Variants in TGDS observed in about 807,000 individuals in gnomAD.
The protein encoded by TGDS is UDP-D-glucose 4,6-dehydratase.
A neutral mutation model predicts 52.3 loss-of-function variants in TGDS; 47 were observed. The ratio of observed to expected loss-of-function variants is 0.90; its 90% CI spans 0.71 to 1.15. TGDS has a LOEUF of 1.15. TGDS is among the 50% of genes most tolerant of loss of function. The pLI is 0.00. For synonymous variants in TGDS, 115 were observed against 136.9 expected (o/e 0.84, Z 1.12); for missense variants, 375 against 418.4 (o/e 0.90, Z 0.90).
chr13:94,592,110 C>A (rs1889221455), intron 3 of TGDS, 131 bp downstream of exon 3: 1 of 590,370 alleles, frequency 1.7e-6, no homozygotes, highest in Non-Finnish European at 2.8e-6. Flanking sequence ...AAATTAACTA[C>A]CTGATCTTTT....
intron 1 of TGDS, among the ~76,000 whole-genome samples, chr13:94,595,805 C>A (rs1889353806): frequency 6.6e-6 from 1 of 151,976 alleles, no homozygotes; most frequent in African/African-American, 2.4e-5. Flanking sequence ...TGAGCACCTC[C>A]GGCCACAGAA....
intron 4 of TGDS, among the ~76,000 whole-genome samples, chr13:94,588,036 AC>A (rs1039149442): frequency 2.0e-5 from 3 of 150,244 alleles, no homozygotes; most frequent in Non-Finnish European, 4.4e-5. Context: ...AAAGAGCACT[AC>A]CCCTAAAGAA....
rs1186737338 is a variant in TGDS, at chr13:94,583,076, T to C, written c.456+18A>G. ...GGTACATGGTTAAGTAGGTAAAATA[T>C]ACATTTTCTAAGCTCACCTTATCAA... On this transcript the variant is annotated intron_variant, in intron 5 of 11. Coordinates refer to ENST00000261296, the MANE Select transcript of TGDS (RefSeq NM_014305.4). 6.8e-6 allele frequency: 11 copies of C among 1,609,552 alleles called. No homozygotes were observed. The highest frequency in any genetic ancestry group is 2.2e-5 in the South Asian group (2 of 90,058).
In TGDS at chr13:94,578,727, T is replaced by C. The variant is rs756742045; in HGVS notation, c.659+3A>G. Reference sequence around the variant, plus strand: ...TATGGGTAAAAAGGTAATAATAACATACCATTTCCTGTTGTGCTGTAGCAA... The same window carrying C: ...TATGGGTAAAAAGGTAATAATAACACACCATTTCCTGTTGTGCTGTAGCAA... On this transcript the variant is annotated splice_donor_region_variant and intron_variant, in intron 8 of 11. Transcript: ENST00000261296. 3 of 1,528,356 alleles carry C rather than the reference T, an allele frequency of 2.0e-6. No individual in the cohort carries two copies. Among genetic ancestry groups the C allele is most frequent in the East Asian group, 2.3e-5 (1 of 44,062 alleles). The allele number at this position is 1,528,356 out of a possible 1,614,324, so 94.7% of individuals were successfully genotyped here.
At chr13:94,588,628 G>T (rs527796696) in intron 4 of TGDS, among the ~76,000 whole-genome samples, 43 of 152,084 alleles carry the variant, frequency 2.8e-4, no homozygotes, top group African/African-American at 1.0e-3. Context: ...AGGGAGAATA[G>T]TCCAATAAAC....
chr13:94,594,810 C>T (rs1889322024), intron 1 of TGDS, among the ~76,000 whole-genome samples: 1 of 152,192 alleles, frequency 6.6e-6, no homozygotes, highest in South Asian at 2.1e-4. Context: ...TGGCCATAAA[C>T]AGGAATCCTC....
At chr13:94,590,791 T>G in intron 4 of TGDS, 62 bp downstream of exon 4, 1 of 1,282,722 alleles carries the variant, frequency 7.8e-7, no homozygotes, top group Non-Finnish European at 1.1e-6. Context: ...AATATAAGTA[T>G]TAGGGGGGCG....
intron 6 of TGDS, 122 bp from the exon 7 acceptor site, chr13:94,580,075 C>A: frequency 1.8e-6 from 1 of 566,180 alleles, no homozygotes; most frequent in Non-Finnish European, 3.1e-6. Context: ...ACCTTAAGGT[C>A]AAAGGGAAGA....
intron 9 of TGDS, 97 bp downstream of exon 9, chr13:94,577,908 A>G (rs1888653754): frequency 8.2e-7 from 1 of 1,220,202 alleles, no homozygotes; most frequent in African/African-American, 1.5e-5. Flanking sequence ...CTACTTGCTT[A>G]CTTTTAAATT....
intron 2 of TGDS, among the ~76,000 whole-genome samples, chr13:94,593,251 T>C (rs1351359741): frequency 6.6e-6 from 1 of 152,192 alleles, no homozygotes; most frequent in Non-Finnish European, 1.5e-5. Context: ...TGATTGAAAA[T>C]AATTACACCT....
At chr13:94,586,633 C>T (rs1375051219) in intron 4 of TGDS, among the ~76,000 whole-genome samples, 4 of 151,974 alleles carry the variant, frequency 2.6e-5, no homozygotes, top group South Asian at 2.1e-4. Context: ...TCATAGAGTA[C>T]GTTATCTAAT....
intron 7 of TGDS, chr13:94,579,350 A>C (rs1287298992): frequency 6.6e-6 from 1 of 152,488 alleles, no homozygotes; most frequent in Non-Finnish European, 1.5e-5. Flanking sequence ...CCAATTGCAC[A>C]GGCATTTTCA....
intron 4 of TGDS, among the ~76,000 whole-genome samples, chr13:94,588,322 C>T (rs1315716782): frequency 6.9e-6 from 1 of 145,640 alleles, no homozygotes; most frequent in African/African-American, 2.6e-5. Context: ...ACTCAGGAGG[C>T]TGAGGCAGGA....
chr13:94,578,305 C>T (rs1432672272), intron 8 of TGDS, 135 bp from the exon 9 acceptor site: 9 of 887,926 alleles, frequency 1.0e-5, no homozygotes, highest in African/African-American at 1.7e-5. Context: ...TACAAATTCT[C>T]GTAGCTTTTC....
intron 4 of TGDS, among the ~76,000 whole-genome samples, chr13:94,590,411 C>T (rs1377873579): frequency 1.3e-5 from 2 of 151,738 alleles, no homozygotes; most frequent in African/African-American, 2.4e-5. Flanking sequence ...GTGACAGATA[C>T]ATGGGTACTC....
At chr13:94,592,090 G>A in intron 3 of TGDS, 151 bp downstream of exon 3, 1 of 540,150 alleles carries the variant, frequency 1.9e-6, no homozygotes, top group African/African-American at 1.9e-5. Context: ...AGAGCACATG[G>A]TACTTTTGGA....
chr13:94,586,840 C>A (rs1889006905), intron 4 of TGDS, among the ~76,000 whole-genome samples: 1 of 150,106 alleles, frequency 6.7e-6, no homozygotes, highest in East Asian at 2.0e-4. Flanking sequence ...CTCACTGCAA[C>A]CGCCACCTCT....
At chr13:94,577,522 G>A in intron 9 of TGDS, 93 bp from the exon 10 acceptor site, 1 of 987,112 alleles carries the variant, frequency 1.0e-6, no homozygotes, top group Non-Finnish European at 1.4e-6. Flanking sequence ...GAAAACAACT[G>A]CCTCATAGCA....
At chr13:94,594,221 GTGGAACAATAAA>G (rs1889298834) in intron 1 of TGDS, among the ~76,000 whole-genome samples, 1 of 152,230 alleles carries the variant, frequency 6.6e-6, no homozygotes, top group Non-Finnish European at 1.5e-5. Flanking sequence ...ATCGAGTAAA[GTGGAACAATAAA>G]TGGGAGCTAG....
Sources: gnomAD v4.1 joint callset for allele counts (sites outside exome capture counted in the v4.1 genomes callset) on GRCh38, gnomAD v4.1.1 for gene constraint, MANE v1.5 for transcripts, NCBI Gene and HGNC (gene_info 2026-07-23, HGNC 2026-07-21) for gene names.